AUTS2: variants seen among roughly 807,000 people sequenced by gnomAD.
AUTS2 encodes the protein autism susceptibility gene 2 protein.
AUTS2 carries 17 observed loss-of-function variants against 112.4 expected under a neutral mutation model. The observed-to-expected ratio is 0.15, with a 90% CI of 0.10 to 0.23. The LOEUF (loss-of-function observed/expected upper bound fraction) is 0.23. AUTS2 is among the 10% of genes least tolerant of loss of function. AUTS2 has a pLI of 1.00. For missense variants in AUTS2, 1,510 were observed against 1,701.6 expected (o/e 0.89, Z 1.98); for synonymous variants, 751 against 702.7 (o/e 1.07, Z -1.09).
intron 1 of AUTS2, among the ~76,000 whole-genome samples, chr7:69,649,479 CTTTG>C (rs1425819638): frequency 6.6e-6 from 1 of 152,000 alleles, no homozygotes; most frequent in Non-Finnish European, 1.5e-5. Flanking sequence ...GTTGTGCCTC[CTTTG>C]TTTGCTGCTT....
intron 2 of AUTS2, among the ~76,000 whole-genome samples, chr7:69,979,119 C>A (rs1298823951): frequency 6.6e-6 from 1 of 152,064 alleles, no homozygotes; most frequent in Admixed American, 6.6e-5. Context: ...CTTGGGTTTT[C>A]TGTTAGAATG....
At chr7:70,082,696 C>T (rs1306829571) in intron 2 of AUTS2, among the ~76,000 whole-genome samples, 2 of 152,192 alleles carry the variant, frequency 1.3e-5, no homozygotes. Context: ...TAGCTGCAGA[C>T]TGACTTGGTC....
chr7:69,897,136 A>G (rs992347027), intron 1 of AUTS2, among the ~76,000 whole-genome samples: 2 of 152,132 alleles, frequency 1.3e-5, no homozygotes, highest in Non-Finnish European at 2.9e-5. Context: ...ATGAGTGAAG[A>G]CCTGAGAATA....
intron 5 of AUTS2, among the ~76,000 whole-genome samples, chr7:70,550,652 G>A (rs971141750): frequency 1.4e-4 from 21 of 152,286 alleles, no homozygotes; most frequent in African/African-American, 4.3e-4. Flanking sequence ...CTAGGGAGGA[G>A]GCTACACTGA....
chr7:69,712,900 A>G (rs1381599783), intron 1 of AUTS2, among the ~76,000 whole-genome samples: 2 of 152,188 alleles, frequency 1.3e-5, no homozygotes, highest in Non-Finnish European at 2.9e-5. Context: ...TGATATTGGT[A>G]AGATTTTAGC....
chr7:70,285,550 G>T (rs1204081263), intron 4 of AUTS2, among the ~76,000 whole-genome samples: 1 of 152,184 alleles, frequency 6.6e-6, no homozygotes, highest in Non-Finnish European at 1.5e-5. Flanking sequence ...AGTAAGTCAT[G>T]CAGTAAGCAT....
chr7:70,649,855 A>G (rs1024868495), intron 5 of AUTS2, among the ~76,000 whole-genome samples: 1 of 152,132 alleles, frequency 6.6e-6, no homozygotes, highest in Non-Finnish European at 1.5e-5. Context: ...GTCAGCAGAG[A>G]TGATCTGTGT....
intron 4 of AUTS2, among the ~76,000 whole-genome samples, chr7:70,433,745 GT>G (rs1795772683): frequency 6.6e-6 from 1 of 152,162 alleles, no homozygotes. Flanking sequence ...AGTAGAAAAT[GT>G]TCTAATCCTC....
chr7:69,732,736 A>G (rs1283435627), intron 1 of AUTS2, among the ~76,000 whole-genome samples: 1 of 152,182 alleles, frequency 6.6e-6, no homozygotes, highest in Non-Finnish European at 1.5e-5. Context: ...CCCTTTGTTC[A>G]TTTTAGAAAA....
chr7:70,580,317 G>A (rs941522276), intron 5 of AUTS2, among the ~76,000 whole-genome samples: 2 of 152,192 alleles, frequency 1.3e-5, no homozygotes, highest in Non-Finnish European at 2.9e-5. Context: ...TGGGGTAGGT[G>A]TGCTTGTCCC....
intron 5 of AUTS2, among the ~76,000 whole-genome samples, chr7:70,598,874 C>T (rs1803331002): frequency 6.6e-6 from 1 of 152,172 alleles, no homozygotes; most frequent in Non-Finnish European, 1.5e-5. Context: ...AGGTATGGGA[C>T]TCCCAGTAAA....
At chr7:70,391,439 A>ACTCACC (rs1446148634) in intron 4 of AUTS2, among the ~76,000 whole-genome samples, 1 of 152,100 alleles carries the variant, frequency 6.6e-6, no homozygotes, top group Non-Finnish European at 1.5e-5. Context: ...ATACAACAAA[A>ACTCACC]CTCACCGCAG....
chr7:69,617,759 A>AG (rs1372655425), intron 1 of AUTS2, among the ~76,000 whole-genome samples: 1 of 152,208 alleles, frequency 6.6e-6, no homozygotes, highest in Non-Finnish European at 1.5e-5. Flanking sequence ...TCCAGGTCTT[A>AG]GGAGACATGG....
intron 1 of AUTS2, among the ~76,000 whole-genome samples, chr7:69,812,754 T>C (rs1169537251): frequency 2.0e-5 from 3 of 152,140 alleles, no homozygotes; most frequent in African/African-American, 4.8e-5. Context: ...TATTGCCTAC[T>C]TTTGTCAGTA....
chr7:70,158,273 A>T (rs1404883941), intron 4 of AUTS2, among the ~76,000 whole-genome samples: 2 of 152,188 alleles, frequency 1.3e-5, no homozygotes, highest in African/African-American at 2.4e-5. Flanking sequence ...AATTTATTAG[A>T]TGTGTGTGAG....
chr7:70,091,603 A>G (rs1224685277), intron 2 of AUTS2, among the ~76,000 whole-genome samples: 2 of 152,184 alleles, frequency 1.3e-5, no homozygotes, highest in African/African-American at 2.4e-5. Flanking sequence ...GAGGTTTTCA[A>G]GGAAGCCAGG....
chr7:70,016,700 C>T (rs1442449662), intron 2 of AUTS2, among the ~76,000 whole-genome samples: 3 of 148,486 alleles, frequency 2.0e-5, no homozygotes, highest in Non-Finnish European at 4.4e-5. Context: ...CGGAGTCTTA[C>T]TCTGTTTCCT....
intron 4 of AUTS2, among the ~76,000 whole-genome samples, chr7:70,194,432 T>TA (rs1440186410): frequency 6.6e-6 from 1 of 151,950 alleles, no homozygotes. Flanking sequence ...AAATAAAAAA[T>TA]AAAAAAAGTT....
chr7:69,925,005 GTAATTTA>G (rs1453107342), intron 2 of AUTS2, among the ~76,000 whole-genome samples: 1 of 152,098 alleles, frequency 6.6e-6, no homozygotes, highest in African/African-American at 2.4e-5. Context: ...GTCAGCTTTG[GTAATTTA>G]TGTCTTTTCA....
Sources: gnomAD v4.1 joint callset for allele counts (sites outside exome capture counted in the v4.1 genomes callset) on GRCh38, gnomAD v4.1.1 for gene constraint, MANE v1.5 for transcripts, NCBI Gene and HGNC (gene_info 2026-07-23, HGNC 2026-07-21) for gene names.